Variants in MYT1L observed in about 807,000 individuals in gnomAD.
MYT1L encodes the protein myelin transcription factor 1-like protein.
Under a neutral mutation model 126.7 loss-of-function variants are expected in MYT1L, and 12 were observed. The observed-to-expected ratio is 0.09, with a 90% confidence interval of 0.06 to 0.15. The LOEUF (loss-of-function observed/expected upper bound fraction) is 0.15. Ranked by LOEUF, MYT1L falls within the 10% of genes least tolerant of loss-of-function variation. MYT1L has a pLI of 1.00. For synonymous variants in MYT1L, 541 were observed against 604.2 expected, an observed-to-expected ratio of 0.90 and a Z score of 1.53; for missense variants, 979 against 1,585.2, an observed-to-expected ratio of 0.62 and a Z score of 6.49.
chr2:1,833,095 C>A (rs2040405105), intron 21 of MYT1L, among the ~76,000 whole-genome samples: 1 of 152,176 alleles, frequency 6.6e-6, no homozygotes, highest in South Asian at 2.1e-4. Flanking sequence ...CGGGCACAGA[C>A]CCCAAGGGTC....
At chr2:2,264,922 A>T (rs903887834) in intron 2 of MYT1L, among the ~76,000 whole-genome samples, 8 of 152,232 alleles carry the variant, frequency 5.3e-5, no homozygotes, top group African/African-American at 1.7e-4. Flanking sequence ...AAAAGGAGTG[A>T]GTAAGTAAAA....
At chr2:2,125,449 A>G (rs1240839949) in intron 3 of MYT1L, among the ~76,000 whole-genome samples, 1 of 152,216 alleles carries the variant, frequency 6.6e-6, no homozygotes, top group East Asian at 1.9e-4. Flanking sequence ...ATCCTTTACT[A>G]AACTGTAAGC....
chr2:1,887,624 C>CA lies in MYT1L; in HGVS notation c.2521-16dup. The CA allele has an allele frequency of 6.2e-7, 1 of 1,613,964 alleles. No individual in the cohort carries two copies. The highest frequency in any genetic ancestry group is 8.5e-7 in the Non-Finnish European group (1 of 1,179,884). ...AAGTCTTCTGGCTGTGGGCAAAACA[C>CA]AGCTTCAGAGCCACACGGATGATCA... On this transcript the variant is annotated splice_polypyrimidine_tract_variant and intron_variant, in intron 16 of 24. Coordinates refer to ENST00000647738, the MANE Select transcript of MYT1L (RefSeq NM_001303052.2). This position sits in a 1 kb window ranked among gnomAD's most constrained non-coding sequence, Gnocchi z 4.8.
Position 2,227,056 on chromosome 2 carries a change from C to T in MYT1L, c.-420-54068G>A, listed in dbSNP as rs559482197. ...CAACTCAGCAGATCCTTCATTTCTC[C>T]TTGAAATGTGTGCTTCTGATTTCCA... On this transcript the variant is annotated intron_variant, in intron 2 of 24. Transcript: ENST00000647738. Among the ~76,000 whole-genome samples the T allele has an allele frequency of 3.1e-4, 47 of 151,992 alleles. 1 individual carries two copies. The highest frequency in any genetic ancestry group is 8.9e-4 in the African/African-American group (37 of 41,452).
intron 2 of MYT1L, among the ~76,000 whole-genome samples, chr2:2,257,225 T>C (rs2094839496): frequency 6.6e-6 from 1 of 152,154 alleles, no homozygotes; most frequent in Non-Finnish European, 1.5e-5. Context: ...GGATACCTCC[T>C]GTGGAGTGAA....
In MYT1L at chr2:1,863,582, C is replaced by T. The variant is rs10177494; in HGVS notation, c.2712-11879G>A. On this transcript the variant is annotated intron_variant, in intron 18 of 24. Transcript: ENST00000647738. ...AGCCCGACCCCCGGAAGGATAGAAA[C>T]GGCATGTCCCACTCCAGGCCCAAAC... is the stretch of plus-strand genomic sequence containing the variant. Among the ~76,000 whole-genome samples the T allele has an allele frequency of 7.4e-3, 1,017 of 137,084 alleles. 6 individuals are homozygous for T. Among genetic ancestry groups the T allele is most frequent in the Middle Eastern group, 0.025 (7 of 276 alleles). 89.9% of individuals were successfully genotyped at this position (137,084 alleles called of 152,430 possible).
At chr2:1,859,756 C>G (rs773435508) in intron 18 of MYT1L, among the ~76,000 whole-genome samples, 1 of 152,256 alleles carries the variant, frequency 6.6e-6, no homozygotes, top group Non-Finnish European at 1.5e-5. Context: ...ACCTGCACCA[C>G]GTCCCATCCA....
At position 1,887,559 on chromosome 2, in the gene MYT1L, G is replaced by A. The variant is rs368649268; in HGVS notation, c.2571C>T (p.Pro857=). 1.0e-4 allele frequency: 167 copies of A among 1,613,770 alleles called. No individual in the cohort carries two copies. In the African/African-American group the frequency reaches 1.6e-3, roughly 16 times the overall value. Reference sequence around the variant, plus strand: ...TGGGACTTGGGATGGTCACCTCCCCGGGATACCGTCTTTCTTCTAGAGCCT... The same window carrying A: ...TGGGACTTGGGATGGTCACCTCCCCAGGATACCGTCTTTCTTCTAGAGCCT... ...FQEALEERRY[P]GEVTIPSPKP... The change falls in exon 17 of 25, where the codon CCC becomes CCT. Residue 857 remains proline, a synonymous_variant. Transcript: ENST00000647738. The surrounding 1 kb of genome is among the most constrained non-coding windows in gnomAD (Gnocchi z 4.8).
chr2:1,843,788 C>T (rs2042150699), intron 19 of MYT1L, among the ~76,000 whole-genome samples: 1 of 152,204 alleles, frequency 6.6e-6, no homozygotes, highest in South Asian at 2.1e-4. Flanking sequence ...CTGCCCTGTC[C>T]CTGAGTCACT....
At chr2:1,853,956 T>G (rs924978625) in intron 18 of MYT1L, among the ~76,000 whole-genome samples, 1 of 152,234 alleles carries the variant, frequency 6.6e-6, no homozygotes. Context: ...AGAAAATAGG[T>G]GTTTTAACCA....
At chr2:1,830,998 A>G (rs2040088977) in intron 21 of MYT1L, among the ~76,000 whole-genome samples, 3 of 152,136 alleles carry the variant, frequency 2.0e-5, no homozygotes, top group African/African-American at 4.8e-5. Flanking sequence ...GTTGGGGACA[A>G]AAGTGTGCCC....
intron 22 of MYT1L, among the ~76,000 whole-genome samples, chr2:1,804,847 G>A (rs1390488737): frequency 6.6e-6 from 1 of 152,186 alleles, no homozygotes; most frequent in African/African-American, 2.4e-5. Flanking sequence ...ATGTTTTCAG[G>A]GCTTGATGGA....
chr2:1,899,920 GC>G (rs1460306306), intron 14 of MYT1L, among the ~76,000 whole-genome samples: 1 of 152,228 alleles, frequency 6.6e-6, no homozygotes, highest in African/African-American at 2.4e-5. Context: ...CTGGAAGGAT[GC>G]AGCTGGTGAA....
intron 2 of MYT1L, among the ~76,000 whole-genome samples, chr2:2,269,323 T>C (rs2385031): frequency 0.031 from 4,730 of 152,268 alleles, 233 homozygotes; most frequent in African/African-American, 0.11. Flanking sequence ...CTGGACATGG[T>C]GGTTTACAAA....
chr2:2,168,162 A>G (rs1197456984), intron 3 of MYT1L, among the ~76,000 whole-genome samples: 1 of 152,166 alleles, frequency 6.6e-6, no homozygotes, highest in Non-Finnish European at 1.5e-5. Context: ...ATCTATGAGT[A>G]ACTCTGCAGA....
chr2:2,110,040 G>A (rs1256082203), intron 3 of MYT1L, among the ~76,000 whole-genome samples: 1 of 151,496 alleles, frequency 6.6e-6, no homozygotes, highest in African/African-American at 2.4e-5. Flanking sequence ...ATGGAGTGAC[G>A]CAGGGAGTAC....
intron 4 of MYT1L, among the ~76,000 whole-genome samples, chr2:2,009,420 C>A (rs1008301023): frequency 7.2e-5 from 11 of 151,774 alleles, no homozygotes; most frequent in African/African-American, 2.7e-4. Flanking sequence ...TATCATTTAC[C>A]TCCTTTGTTA....
chr2:2,118,405 C>G (rs2080510040), intron 3 of MYT1L, among the ~76,000 whole-genome samples: 1 of 152,146 alleles, frequency 6.6e-6, no homozygotes, highest in Non-Finnish European at 1.5e-5. Context: ...TGCATAAACA[C>G]TGATATTAAT....
At chr2:1,982,928 TG>T (rs2060716394) in intron 5 of MYT1L, among the ~76,000 whole-genome samples, 1 of 152,332 alleles carries the variant, frequency 6.6e-6, no homozygotes. Context: ...TAGAAAAACT[TG>T]GCCTTATTAG....
Sources: allele counts gnomAD v4.1 joint callset (sites outside exome capture counted in the v4.1 genomes callset), GRCh38; gene constraint gnomAD v4.1.1; non-coding constraint Gnocchi (gnomAD v3.1); transcripts MANE v1.5; gene names NCBI Gene and HGNC (gene_info 2026-07-23, HGNC 2026-07-21).